The following ARNT2 variants were observed in gnomAD, a reference collection of about 807,000 sequenced individuals.
The protein encoded by ARNT2 is aryl hydrocarbon receptor nuclear translocator 2, also known as ARNT protein 2.
In ARNT2, 36 loss-of-function variants were observed where a neutral mutation model predicts 91.7. That is an observed-to-expected ratio of 0.39 (90% CI 0.30 to 0.52). The LOEUF is 0.52. Ranked by LOEUF, ARNT2 falls within the 20% of genes least tolerant of loss-of-function variation. ARNT2 has a pLI of 0.72. For synonymous variants in ARNT2, 365 were observed against 347.1 expected, an observed-to-expected ratio of 1.05 and a Z score of -0.57; for missense variants, 775 against 939.3, an observed-to-expected ratio of 0.83 and a Z score of 2.29.
chr15:80,434,747 C>A (rs374048459), intron 1 of ARNT2, among the ~76,000 whole-genome samples: 2 of 151,400 alleles, frequency 1.3e-5, no homozygotes, highest in African/African-American at 4.9e-5. Context: ...AGGCAGGGAA[C>A]GGGGAGTGGA....
At chr15:80,474,771 A>C (rs569980810) in intron 4 of ARNT2, among the ~76,000 whole-genome samples, 33 of 152,176 alleles carry the variant, frequency 2.2e-4, no homozygotes, top group African/African-American at 7.7e-4. Flanking sequence ...TTCTCTCCCC[A>C]ACAAAGGACT....
At chr15:80,411,547 A>G (rs1380515226) in intron 1 of ARNT2, among the ~76,000 whole-genome samples, 4 of 152,236 alleles carry the variant, frequency 2.6e-5, no homozygotes, top group Admixed American at 2.6e-4. Flanking sequence ...TTGATCTGAA[A>G]ATCCTACCAA....
intron 2 of ARNT2, 126 bp from the exon 3 acceptor site, chr15:80,457,803 T>G: frequency 1.0e-6 from 1 of 990,614 alleles, no homozygotes; most frequent in Non-Finnish European, 1.5e-6. Context: ...CTTGTAGCAC[T>G]GCCAAAGGTT....
rs534423516 is a variant in ARNT2 at position 80,428,384 on chromosome 15, T to C, written c.32-22496T>C. 3.3e-5 allele frequency among the ~76,000 whole-genome samples: 5 copies of C among 152,356 alleles called. No individual in the cohort carries two copies. The South Asian group carries it at 8.3e-4, about 25-fold the overall frequency. On this transcript the variant is annotated intron_variant, in intron 1 of 18. Coordinates refer to ENST00000303329, the MANE Select transcript of ARNT2 (RefSeq NM_014862.4). ...TACAGATGGAGAGGAATCAGACTGT[T>C]ACCCAGTTCCATGGACTAGCAAGTG... is the stretch of plus-strand genomic sequence containing the variant.
At chr15:80,523,313 T>A (rs1326600398) in intron 8 of ARNT2, among the ~76,000 whole-genome samples, 1 of 151,988 alleles carries the variant, frequency 6.6e-6, no homozygotes, top group African/African-American at 2.4e-5. Context: ...CTTTCAGGGG[T>A]ACAAACACAG....
chr15:80,484,182 C>CAA (rs60224399), intron 5 of ARNT2, among the ~76,000 whole-genome samples: 3,724 of 123,588 alleles, frequency 0.03, 123 homozygotes, highest in East Asian at 0.16. Flanking sequence ...ATAAATGTGG[C>CAA]AAAAAAAAAA....
At chr15:80,434,788 G>T (rs1177055455) in intron 1 of ARNT2, among the ~76,000 whole-genome samples, 1 of 152,134 alleles carries the variant, frequency 6.6e-6, no homozygotes, top group Non-Finnish European at 1.5e-5. Context: ...GGGATGTCCA[G>T]GAGCAGGATA....
At chr15:80,418,194 A>G (rs2072758840) in intron 1 of ARNT2, among the ~76,000 whole-genome samples, 1 of 152,318 alleles carries the variant, frequency 6.6e-6, no homozygotes, top group East Asian at 1.9e-4. Flanking sequence ...GGGGTCTGTC[A>G]TGGACCAGCA....
At chr15:80,425,707 G>A (rs1895923277) in intron 1 of ARNT2, among the ~76,000 whole-genome samples, 1 of 150,522 alleles carries the variant, frequency 6.6e-6, no homozygotes, top group Non-Finnish European at 1.5e-5. Context: ...CCCTCCACCT[G>A]TTTTGGAGTG....
chr15:80,475,916 A>G (rs1338821790), intron 5 of ARNT2, among the ~76,000 whole-genome samples: 1 of 152,150 alleles, frequency 6.6e-6, no homozygotes, highest in East Asian at 1.9e-4. Flanking sequence ...AGTCAATTCT[A>G]CTCATACATG....
chr15:80,563,257 T>TC lies in ARNT2; in HGVS notation c.1316+21dup. 1 of 1,613,764 alleles carries TC rather than the reference T, an allele frequency of 6.2e-7. No homozygotes were observed. The highest frequency in any genetic ancestry group is 8.5e-7 in the Non-Finnish European group (1 of 1,179,716). On this transcript the variant is annotated intron_variant, in intron 12 of 18. Coordinates refer to ENST00000303329, the MANE Select transcript of ARNT2 (RefSeq NM_014862.4). ...AACGTCAAGTACGTACACTGCCATT[T>TC]CCCTCTCCTGGAATCCACATGCGCT...
chr15:80,503,561 T>G (rs1897229342), intron 5 of ARNT2, among the ~76,000 whole-genome samples: 2 of 152,232 alleles, frequency 1.3e-5, no homozygotes, highest in Admixed American at 1.3e-4. Flanking sequence ...GAGCACACTT[T>G]GGAATCTGCC....
chr15:80,517,922 G>C (rs1404437498), intron 8 of ARNT2, among the ~76,000 whole-genome samples: 1 of 152,056 alleles, frequency 6.6e-6, no homozygotes, highest in Non-Finnish European at 1.5e-5. Flanking sequence ...TTTTCCATGA[G>C]AGTTTATAAG....
intron 17 of ARNT2, among the ~76,000 whole-genome samples, chr15:80,585,925 C>T (rs920946300): frequency 4.6e-5 from 7 of 152,226 alleles, no homozygotes; most frequent in Non-Finnish European, 1.0e-4. Flanking sequence ...GAAAGCCTAA[C>T]GCTGCACTCG....
chr15:80,481,699 C>T (rs1382092934), intron 5 of ARNT2, among the ~76,000 whole-genome samples: 4 of 152,026 alleles, frequency 2.6e-5, no homozygotes, highest in East Asian at 3.9e-4. Context: ...GGTGACAGAG[C>T]GAGACCCTGT....
chr15:80,492,641 T>C (rs1897072753), intron 5 of ARNT2, among the ~76,000 whole-genome samples: 1 of 152,176 alleles, frequency 6.6e-6, no homozygotes, highest in Non-Finnish European at 1.5e-5. Flanking sequence ...CTAGGAATCT[T>C]AGCCTTTTGC....
At chr15:80,460,779 G>A (rs749293873) in intron 3 of ARNT2, among the ~76,000 whole-genome samples, 8 of 152,280 alleles carry the variant, frequency 5.3e-5, no homozygotes, top group East Asian at 1.9e-4. Context: ...AAGGGGCTCC[G>A]GGAGGGGTAC....
chr15:80,456,892 T>C (rs574693680), intron 2 of ARNT2, among the ~76,000 whole-genome samples: 11 of 151,304 alleles, frequency 7.3e-5, no homozygotes, highest in East Asian at 3.9e-4. Flanking sequence ...CAGGCTGGCC[T>C]TCCTTCTCCT....
At chr15:80,533,830 G>A (rs1243452617) in intron 8 of ARNT2, among the ~76,000 whole-genome samples, 1 of 152,208 alleles carries the variant, frequency 6.6e-6, no homozygotes, top group East Asian at 1.9e-4. Flanking sequence ...GGGCCTCCTG[G>A]CCCACTTCTT....
Sources: allele counts gnomAD v4.1 joint callset (sites outside exome capture counted in the v4.1 genomes callset), GRCh38; gene constraint gnomAD v4.1.1; transcripts MANE v1.5; gene names NCBI Gene and HGNC (gene_info 2026-07-23, HGNC 2026-07-21).